DBT: variants seen among roughly 807,000 people sequenced by gnomAD.
The protein encoded by DBT is lipoamide acyltransferase component of branched-chain alpha-keto acid dehydrogenase complex, mitochondrial.
In DBT, 40 loss-of-function variants were observed where a neutral mutation model predicts 51.3. The ratio of observed to expected loss-of-function variants is 0.78; its 90% CI spans 0.61 to 1.02. DBT has a LOEUF of 1.02. Among genes scored for constraint, DBT ranks in the 50% least tolerant of loss-of-function variants. The pLI, the probability that DBT is intolerant of heterozygous loss-of-function variation, is 0.00. For missense variants in DBT, 510 were observed against 580.2 expected, an observed-to-expected ratio of 0.88 and a Z score of 1.24; for synonymous variants, 181 against 190.4, an observed-to-expected ratio of 0.95 and a Z score of 0.41.
chr1:100,248,101 CAAAAAAAAAA>C (rs1003290152), intron 1 of DBT, among the ~76,000 whole-genome samples: 2 of 75,140 alleles, frequency 2.7e-5, no homozygotes, highest in African/African-American at 5.0e-5. Flanking sequence ...GACTCCATTT[CAAAAAAAAAA>C]AAAAAAAAGA....
At position 100,195,492 on chromosome 1, in the gene DBT, G is replaced by A. The variant is rs897265268; in HGVS notation, c.*763C>T. ...TACTCTTGGATATCTCAAAAGAGAA[G>A]TATAATTGCACTTATTTCATACAAC... On this transcript the variant is annotated 3_prime_UTR_variant, in exon 11 of 11. Coordinates refer to ENST00000370132, the MANE Select transcript of DBT (RefSeq NM_001918.5). 2 of 152,214 alleles carry A rather than the reference G, an allele frequency of 1.3e-5. No homozygotes were observed. Among genetic ancestry groups the A allele is most frequent in the African/African-American group, 4.8e-5 (2 of 41,398 alleles). 9.4% of individuals were successfully genotyped at this position (152,214 alleles called of 1,614,324 possible).
intron 2 of DBT, among the ~76,000 whole-genome samples, chr1:100,239,766 G>C (rs1664097730): frequency 6.6e-6 from 1 of 150,660 alleles, no homozygotes; most frequent in Non-Finnish European, 1.5e-5. Flanking sequence ...AGGAGGTTGA[G>C]GCAGGAGGAT....
At chr1:100,246,244 G>A (rs1295417346) in intron 1 of DBT, among the ~76,000 whole-genome samples, 1 of 152,116 alleles carries the variant, frequency 6.6e-6, no homozygotes, top group East Asian at 1.9e-4. Context: ...GTGACAGAGT[G>A]AGACGCCGTC....
rs1311000233 is a variant in DBT, at chr1:100,189,767, A to G, written c.*6488T>C. 6.6e-6 allele frequency: 1 copy of G among 152,230 alleles called. No individual in the cohort carries two copies. Among genetic ancestry groups the G allele is most frequent in the African/African-American group, 2.4e-5 (1 of 41,456 alleles). The allele number at this position is 152,230 out of a possible 1,614,324, so 9.4% of individuals were successfully genotyped here. ...TCTTTTAGGCAAACTGAAATTTGCC[A>G]TTAGAGAAGGGAGTTCTTTGTTTTT... On this transcript the variant is annotated 3_prime_UTR_variant, in exon 11 of 11. Coordinates refer to ENST00000370132, the MANE Select transcript of DBT (RefSeq NM_001918.5).
chr1:100,209,050 G>T (rs778921499), intron 8 of DBT, among the ~76,000 whole-genome samples: 8 of 151,518 alleles, frequency 5.3e-5, no homozygotes, highest in Non-Finnish European at 1.2e-4. Context: ...TAGGGTCATG[G>T]AATTGAGGGT....
chr1:100,238,469 C>T (rs947644661), intron 2 of DBT, among the ~76,000 whole-genome samples: 1 of 150,826 alleles, frequency 6.6e-6, no homozygotes, highest in Non-Finnish European at 1.5e-5. Context: ...TCCTTCTCCT[C>T]CTCCTTCTTC....
chr1:100,213,701 C>A, intron 7 of DBT: 2 of 1,595,022 alleles, frequency 1.3e-6, no homozygotes, highest in Non-Finnish European at 8.5e-7. Context: ...TTTCCTACAC[C>A]CAGCTCTCTT....
At chr1:100,196,853 G>A (rs976798724) in intron 10 of DBT, 16 of 197,882 alleles carry the variant, frequency 8.1e-5, no homozygotes, top group Non-Finnish European at 1.3e-4. Context: ...AGTTGGCCAG[G>A]AAGAAGACAG....
chr1:100,217,363 T>C (rs1662555702), intron 5 of DBT, among the ~76,000 whole-genome samples: 1 of 152,098 alleles, frequency 6.6e-6, no homozygotes, highest in Non-Finnish European at 1.5e-5. Flanking sequence ...CACGTTACTA[T>C]ATCTATTTTC....
rs958958049 is a variant in DBT at position 100,189,045 on chromosome 1, T to C, written c.*7210A>G. 1 of 152,122 alleles carries C rather than the reference T, an allele frequency of 6.6e-6. No homozygotes were observed. Among genetic ancestry groups the C allele is most frequent in the African/African-American group, 2.4e-5 (1 of 41,408 alleles). The allele number at this position is 152,122 out of a possible 1,614,324, so 9.4% of individuals were successfully genotyped here. A position where few individuals can be genotyped will look rare whatever the true frequency, so the allele number is the denominator to read the frequency against. On this transcript the variant is annotated 3_prime_UTR_variant, in exon 11 of 11. Transcript: ENST00000370132. ...TTAAGTGGTAATGCCTTTTGTAAAA[T>C]AAAGGAGGCTGCAGGCCAGGCACCG...
At chr1:100,246,261 A>C (rs1664536138) in intron 1 of DBT, among the ~76,000 whole-genome samples, 1 of 152,238 alleles carries the variant, frequency 6.6e-6, no homozygotes, top group Admixed American at 6.5e-5. Context: ...CGTCTCAAAA[A>C]AAATAAAAAT....
chr1:100,197,641 T>C (rs1363981686), intron 10 of DBT, among the ~76,000 whole-genome samples: 1 of 151,630 alleles, frequency 6.6e-6, no homozygotes, highest in African/African-American at 2.4e-5. Context: ...CATTAGGAGG[T>C]ATGGGTAAAG....
In DBT at chr1:100,218,697, T is replaced by C. The variant is rs1391809000; in HGVS notation, c.484A>G (p.Thr162Ala). ...TTTCGGCCCTTTATCTCTTGGTGTGTATGTTCATCATGAGACACTGCAGGA... is the reference window on the plus strand; with the variant it reads ...TTTCGGCCCTTTATCTCTTGGTGTGCATGTTCATCATGAGACACTGCAGGA... ...ETPAVSHDEH[T>A]HQEIKGRKTL... The change falls in exon 5 of 11, where the codon ACA becomes GCA. Residue 162 changes from threonine to alanine, a missense_variant. Thr to Ala is a moderately conservative substitution (Grantham distance 58). Coordinates refer to ENST00000370132, the MANE Select transcript of DBT (RefSeq NM_001918.5). 6 of 1,613,818 alleles carry C rather than the reference T, an allele frequency of 3.7e-6. No individual in the cohort carries two copies. Among genetic ancestry groups the C allele is most frequent in the African/African-American group, 1.3e-5 (1 of 74,916 alleles).
intron 5 of DBT, among the ~76,000 whole-genome samples, chr1:100,216,688 G>A (rs12124225): frequency 0.063 from 9,574 of 152,256 alleles, 441 homozygotes; most frequent in African/African-American, 0.12. Context: ...GAGAATTTAA[G>A]AGAAACTAAA....
intron 7 of DBT, among the ~76,000 whole-genome samples, chr1:100,212,739 T>A (rs140676666): frequency 2.0e-5 from 3 of 152,256 alleles, no homozygotes; most frequent in Admixed American, 2.0e-4. Context: ...GACCACAGTT[T>A]GGGATTTGCA....
At chr1:100,223,545 C>G (rs572081353) in intron 4 of DBT, among the ~76,000 whole-genome samples, 1 of 152,192 alleles carries the variant, frequency 6.6e-6, no homozygotes, top group African/African-American at 2.4e-5. Flanking sequence ...TAACTCAATG[C>G]AGCCTCAAAC....
intron 1 of DBT, among the ~76,000 whole-genome samples, chr1:100,244,175 C>T (rs1221765232): frequency 6.6e-6 from 1 of 150,606 alleles, no homozygotes; most frequent in African/African-American, 2.4e-5. Context: ...CTGCACTGTG[C>T]ATAATAAGCA....
chr1:100,241,708 T>G (rs1557961638), intron 1 of DBT, among the ~76,000 whole-genome samples: 1 of 152,114 alleles, frequency 6.6e-6, no homozygotes, highest in Admixed American at 6.6e-5. Flanking sequence ...TAATATCTTA[T>G]TTGGAAAGTT....
chr1:100,196,391 ACTT>A lies in DBT; in HGVS notation c.1310_1312del (p.Glu437del). The A allele has an allele frequency of 6.4e-7, 1 of 1,559,466 alleles. No individual in the cohort carries two copies. Among genetic ancestry groups the A allele is most frequent in the Non-Finnish European group, 8.7e-7 (1 of 1,151,892 alleles). The stretch of plus-strand genomic sequence containing the variant: ...CACATTCATTATCTGTGCCTTATAT[ACTT>A]CTCCTTTCTGGTTAAATCGGGGAAT... On this transcript the variant is annotated inframe_deletion, in exon 11 of 11. Transcript: ENST00000370132.
Sources: allele counts gnomAD v4.1 joint callset (sites outside exome capture counted in the v4.1 genomes callset), GRCh38; gene constraint gnomAD v4.1.1; transcripts MANE v1.5; gene names NCBI Gene and HGNC (gene_info 2026-07-23, HGNC 2026-07-21).